The following FAM135B variants were observed in gnomAD, a reference collection of about 807,000 sequenced individuals.
The protein encoded by FAM135B is family with sequence similarity 135 member B.
A neutral mutation model predicts 127.7 loss-of-function variants in FAM135B; 43 were observed. That is an observed-to-expected ratio of 0.34 (90% CI 0.26 to 0.43). FAM135B has a LOEUF of 0.43. FAM135B is among the 20% of genes least tolerant of loss of function. The pLI, the probability that FAM135B is intolerant of heterozygous loss-of-function variation, is 1.00. For synonymous variants in FAM135B, 670 were observed against 665.1 expected (o/e 1.01, Z -0.11); for missense variants, 1,558 against 1,725.6 (o/e 0.90, Z 1.72).
chr8:138,220,342 C>G (rs958128105), intron 7 of FAM135B, among the ~76,000 whole-genome samples: 8 of 152,092 alleles, frequency 5.3e-5, no homozygotes, highest in African/African-American at 1.9e-4. Context: ...TGAAGTACCA[C>G]CCTCTCCTCT....
At chr8:138,314,487 A>G (rs1826923338) in intron 2 of FAM135B, among the ~76,000 whole-genome samples, 2 of 152,076 alleles carry the variant, frequency 1.3e-5, no homozygotes, top group African/African-American at 4.8e-5. Flanking sequence ...AAATTTCACC[A>G]AAGGGGACAC....
In FAM135B at chr8:138,378,974, C is replaced by G. The variant is rs545720018; in HGVS notation, c.-19-10972G>C. Among the ~76,000 whole-genome samples the G allele has an allele frequency of 1.8e-3, 274 of 152,292 alleles. 1 individual carries two copies. The highest frequency in any genetic ancestry group is 6.3e-3 in the African/African-American group (263 of 41,554). ...AAGGGAGCAGCAGCCAATGCCATCA[C>G]TATTTGCAGCTCTCAGGCATGGAGC... On this transcript the variant is annotated intron_variant, in intron 1 of 19. Coordinates refer to ENST00000395297, the MANE Select transcript of FAM135B (RefSeq NM_015912.4).
At position 138,401,539 on chromosome 8, in the gene FAM135B, T is replaced by C. The variant is rs922786127; in HGVS notation, c.-19-33537A>G. On this transcript the variant is annotated intron_variant, in intron 1 of 19. Transcript: ENST00000395297. Reference sequence around the variant, plus strand: ...CGTGCTTAAAAGAAACCCATCTGTTTACCAGCCCAGGTTATGAGCCAAATG... The same window carrying C: ...CGTGCTTAAAAGAAACCCATCTGTTCACCAGCCCAGGTTATGAGCCAAATG... Among the ~76,000 whole-genome samples, 5 of 152,180 alleles carry C rather than the reference T, an allele frequency of 3.3e-5. No homozygotes were observed. The East Asian group carries it at 5.8e-4, about 18-fold the overall frequency.
intron 1 of FAM135B, among the ~76,000 whole-genome samples, chr8:138,378,320 T>A (rs969115417): frequency 2.0e-5 from 3 of 152,182 alleles, no homozygotes; most frequent in Non-Finnish European, 4.4e-5. Flanking sequence ...TTCTGGGAGC[T>A]GGCCAGTCCA....
chr8:138,142,651 A>G (rs1291104415), intron 16 of FAM135B, among the ~76,000 whole-genome samples: 2 of 152,144 alleles, frequency 1.3e-5, no homozygotes, highest in East Asian at 1.9e-4. Flanking sequence ...AGATAAGAAA[A>G]CAGAGGTTTA....
intron 1 of FAM135B, among the ~76,000 whole-genome samples, chr8:138,412,367 C>T (rs530850306): frequency 6.6e-6 from 1 of 152,324 alleles, no homozygotes; most frequent in East Asian, 1.9e-4. Context: ...TGATCACAGA[C>T]ATTGTGACAA....
intron 12 of FAM135B, among the ~76,000 whole-genome samples, chr8:138,154,428 G>A (rs1360268690): frequency 6.6e-6 from 1 of 152,178 alleles, no homozygotes; most frequent in Non-Finnish European, 1.5e-5. Flanking sequence ...GAACAAAGTT[G>A]GATGGAGAAT....
intron 8 of FAM135B, among the ~76,000 whole-genome samples, chr8:138,196,388 A>C (rs180890431): frequency 6.6e-6 from 1 of 152,330 alleles, no homozygotes. Flanking sequence ...GAGCTGACAA[A>C]GCTTATAGTA....
In FAM135B at chr8:138,242,056, G is replaced by C. The variant is rs1820828783; in HGVS notation, c.669+886C>G. On this transcript the variant is annotated intron_variant, in intron 7 of 19. Coordinates refer to ENST00000395297, the MANE Select transcript of FAM135B (RefSeq NM_015912.4). This position sits in a 1 kb window ranked among gnomAD's most constrained non-coding sequence, Gnocchi z 9.6. Reference sequence around the variant, plus strand: ...CCTGGTTCTGAGGCCTTTAGCCTTGGACTGGAATGATACCACCTGCACTCT... The same window carrying C: ...CCTGGTTCTGAGGCCTTTAGCCTTGCACTGGAATGATACCACCTGCACTCT... Among the ~76,000 whole-genome samples, 1 of 152,056 alleles carries C rather than the reference G, an allele frequency of 6.6e-6. No homozygotes were observed. The highest frequency in any genetic ancestry group is 6.6e-5 in the Admixed American group (1 of 15,256).
Position 138,148,733 on chromosome 8 carries a change from T to C in FAM135B, c.3282-47A>G, listed in dbSNP as rs772130956. 6 of 1,457,938 alleles carry C rather than the reference T, an allele frequency of 4.1e-6. No individual in the cohort carries two copies. In the South Asian group the frequency reaches 5.0e-5, roughly 12 times the overall value. The allele number at this position is 1,457,938 out of a possible 1,614,324, so 90.3% of individuals were successfully genotyped here. A position where few individuals can be genotyped will look rare whatever the true frequency, so the allele number is the denominator to read the frequency against. On this transcript the variant is annotated intron_variant, in intron 13 of 19. Transcript: ENST00000395297. The stretch of plus-strand genomic sequence containing the variant: ...CACAAGCCAAGCTGTGTACTTCATG[T>C]TGAACAGGAAATGAGCTGGGCTGGT...
At chr8:138,279,805 G>C (rs1466728401) in intron 3 of FAM135B, among the ~76,000 whole-genome samples, 2 of 152,016 alleles carry the variant, frequency 1.3e-5, no homozygotes, top group Non-Finnish European at 2.9e-5. Flanking sequence ...TGTTCTGTAA[G>C]CTACTTAAGG....
intron 17 of FAM135B, among the ~76,000 whole-genome samples, chr8:138,139,449 A>C (rs961522488): frequency 6.6e-6 from 1 of 152,242 alleles, no homozygotes. Flanking sequence ...TTTAGGATAC[A>C]GTAAAGCTAA....
chr8:138,345,214 T>G (rs1261064790), intron 2 of FAM135B, among the ~76,000 whole-genome samples: 1 of 152,164 alleles, frequency 6.6e-6, no homozygotes, highest in African/African-American at 2.4e-5. Context: ...GAGGAGTTGA[T>G]GGATGAGACC....
chr8:138,254,374 C>T lies in FAM135B; in HGVS notation c.368+2315G>A, dbSNP rs534969051. On this transcript the variant is annotated intron_variant, in intron 5 of 19. Coordinates refer to ENST00000395297, the MANE Select transcript of FAM135B (RefSeq NM_015912.4). ...TGGAGGGCAGGTTGGAGGCTGATTT[C>T]TAGGCTGAGCTTGGAGTTAGCAGCA... Among the ~76,000 whole-genome samples the T allele has an allele frequency of 4.6e-5, 7 of 152,260 alleles. No homozygotes were observed. In the East Asian group the frequency reaches 1.2e-3, roughly 25 times the overall value.
chr8:138,478,883 C>A (rs1814642394), intron 1 of FAM135B, among the ~76,000 whole-genome samples: 1 of 152,178 alleles, frequency 6.6e-6, no homozygotes, highest in Admixed American at 6.5e-5. Flanking sequence ...CACTAACCGC[C>A]TGGGGTCAGT....
rs111358067 is a variant in FAM135B at position 138,357,901 on chromosome 8, G to A, written c.77+10006C>T. On this transcript the variant is annotated intron_variant, in intron 2 of 19. Coordinates refer to ENST00000395297, the MANE Select transcript of FAM135B (RefSeq NM_015912.4). ...AAATGTGATTTATCCTATTGAAGCCGATAGGAATAAACATGGTGTCCGTTA... is the reference window on the plus strand; with the variant it reads ...AAATGTGATTTATCCTATTGAAGCCAATAGGAATAAACATGGTGTCCGTTA... Among the ~76,000 whole-genome samples, 19 of 152,178 alleles carry A rather than the reference G, an allele frequency of 1.2e-4. No individual in the cohort carries two copies. In the East Asian group the frequency reaches 2.7e-3, roughly 22 times the overall value.
At chr8:138,282,819 T>A (rs1824364326) in intron 3 of FAM135B, among the ~76,000 whole-genome samples, 1 of 152,228 alleles carries the variant, frequency 6.6e-6, no homozygotes, top group African/African-American at 2.4e-5. Flanking sequence ...ATCCAGCAGT[T>A]GCACTCCTTG....
At chr8:138,456,425 ATT>A (rs1243014225) in intron 1 of FAM135B, among the ~76,000 whole-genome samples, 1 of 152,122 alleles carries the variant, frequency 6.6e-6, no homozygotes, top group East Asian at 1.9e-4. Flanking sequence ...GGGAGGAAGT[ATT>A]TTCATTGGGA....
At chr8:138,367,781 A>G (rs143041039) in intron 2 of FAM135B, 126 bp downstream of exon 2, 8,694 of 718,504 alleles carry the variant, frequency 0.012, 93 homozygotes, top group Admixed American at 0.014. Context: ...AACACAATGA[A>G]AATCTTTTCT....
Sources: allele counts gnomAD v4.1 joint callset (sites outside exome capture counted in the v4.1 genomes callset), GRCh38; gene constraint gnomAD v4.1.1; non-coding constraint Gnocchi (gnomAD v3.1); transcripts MANE v1.5; gene names NCBI Gene and HGNC (gene_info 2026-07-23, HGNC 2026-07-21).